SAMD3: variants seen among roughly 807,000 people sequenced by gnomAD.
The protein encoded by SAMD3 is sterile alpha motif domain containing 3.
SAMD3 carries 63 observed loss-of-function variants against 58.5 expected under a neutral mutation model. The ratio of observed to expected loss-of-function variants is 1.08; its 90% CI spans 0.88 to 1.33. SAMD3 has a LOEUF of 1.33. SAMD3 is among the 40% of genes most tolerant of loss of function. SAMD3 has a pLI of 0.00. For missense variants in SAMD3, 604 were observed against 608.4 expected (o/e 0.99, Z 0.08); for synonymous variants, 220 against 210.3 (o/e 1.05, Z -0.40).
At chr6:130,231,270 A>G (rs918294249) in intron 2 of SAMD3, among the ~76,000 whole-genome samples, 2 of 152,192 alleles carry the variant, frequency 1.3e-5, no homozygotes, top group Non-Finnish European at 2.9e-5. Flanking sequence ...ACTTTCTAAA[A>G]TGTAATTTTT....
chr6:130,260,700 C>T (rs957695727), intron 2 of SAMD3, among the ~76,000 whole-genome samples: 1 of 152,220 alleles, frequency 6.6e-6, no homozygotes, highest in Non-Finnish European at 1.5e-5. Context: ...TGGAACATCC[C>T]TGCAGGGGAC....
At chr6:130,309,650 G>A (rs1276963747) in intron 2 of SAMD3, among the ~76,000 whole-genome samples, 3 of 152,168 alleles carry the variant, frequency 2.0e-5, no homozygotes, top group Non-Finnish European at 4.4e-5. Context: ...AAGCCTAACA[G>A]TAACCAAGAA....
intron 2 of SAMD3, among the ~76,000 whole-genome samples, chr6:130,259,942 G>A (rs534026178): frequency 4.6e-5 from 7 of 152,138 alleles, no homozygotes; most frequent in East Asian, 3.9e-4. Context: ...ATTTTATCAC[G>A]TGTTTCAGGT....
chr6:130,268,931 A>G (rs1201377480), intron 2 of SAMD3, among the ~76,000 whole-genome samples: 1 of 152,204 alleles, frequency 6.6e-6, no homozygotes, highest in Non-Finnish European at 1.5e-5. Context: ...TCTTAATAAG[A>G]TATTTTGCTC....
chr6:130,216,738 G>A (rs1249077799), intron 1 of SAMD3, 122 bp from the exon 2 acceptor site: 1 of 152,254 alleles, frequency 6.6e-6, no homozygotes, highest in South Asian at 2.1e-4. Context: ...TTTCAGCAGT[G>A]GATTTAATTT....
intron 5 of SAMD3, among the ~76,000 whole-genome samples, chr6:130,189,388 C>T (rs138668860): frequency 1.1e-3 from 162 of 152,194 alleles, no homozygotes; most frequent in African/African-American, 3.8e-3. Context: ...GAGGTCAGTG[C>T]CTTGATCTCA....
At chr6:130,223,066 C>T (rs1165962230), upstream of SAMD3, 4 of 152,154 alleles carry the variant, frequency 2.6e-5, no homozygotes, top group African/African-American at 9.7e-5. Context: ...GACAAATACC[C>T]ATGTATGTAC....
chr6:130,271,078 C>T (rs1160912667), intron 2 of SAMD3, among the ~76,000 whole-genome samples: 2 of 151,984 alleles, frequency 1.3e-5, no homozygotes, highest in Non-Finnish European at 2.9e-5. Flanking sequence ...TGGTTCACTG[C>T]AACCTCCACC....
chr6:130,247,440 C>A (rs1773587269), intron 2 of SAMD3, among the ~76,000 whole-genome samples: 1 of 149,950 alleles, frequency 6.7e-6, no homozygotes, highest in East Asian at 2.0e-4. Context: ...GCACTGCAGC[C>A]TGGAGGACAG....
chr6:130,162,218 C>A (rs1562382038), intron 8 of SAMD3: 1 of 700,456 alleles, frequency 1.4e-6, no homozygotes, highest in Non-Finnish European at 2.6e-6. Flanking sequence ...TAAGCTCTCA[C>A]AGAGTTGGTT....
intron 1 of SAMD3, among the ~76,000 whole-genome samples, chr6:130,338,187 A>G (rs1159197615): frequency 6.6e-6 from 1 of 152,200 alleles, no homozygotes; most frequent in Non-Finnish European, 1.5e-5. Flanking sequence ...TACAGCTTGG[A>G]CCATTGCTTC....
chr6:130,168,108 T>C (rs1040794776), intron 8 of SAMD3, among the ~76,000 whole-genome samples: 8 of 152,250 alleles, frequency 5.3e-5, no homozygotes, highest in Admixed American at 4.6e-4. Context: ...AGCTGCCTGG[T>C]CTACCTGTGG....
intron 2 of SAMD3, among the ~76,000 whole-genome samples, chr6:130,276,837 G>A (rs570194256): frequency 2.9e-4 from 44 of 152,172 alleles, no homozygotes; most frequent in Admixed American, 1.6e-3. Flanking sequence ...TGGGTAGAAG[G>A]CTAGGGAATG....
chr6:130,193,228 C>T (rs1410167866), intron 5 of SAMD3, among the ~76,000 whole-genome samples: 2 of 151,884 alleles, frequency 1.3e-5, no homozygotes, highest in Non-Finnish European at 2.9e-5. Context: ...GTCTCTACCC[C>T]TTCTCCGCCT....
chr6:130,245,092 C>T (rs1052999161), intron 2 of SAMD3, among the ~76,000 whole-genome samples: 1 of 152,164 alleles, frequency 6.6e-6, no homozygotes. Context: ...GTTCTGGATG[C>T]ATATCTATGA....
intron 2 of SAMD3, chr6:130,215,940 C>A (rs934747582): frequency 3.8e-6 from 4 of 1,055,528 alleles, no homozygotes; most frequent in Middle Eastern, 2.1e-4. Context: ...TTCTTACATA[C>A]CCCTCTGAGT....
At chr6:130,216,193 C>T (rs1246005203) in intron 2 of SAMD3, among the ~76,000 whole-genome samples, 1 of 145,150 alleles carries the variant, frequency 6.9e-6, no homozygotes, top group Admixed American at 7.1e-5. Context: ...CCTAAGGAAG[C>T]TTATTCCTTG....
chr6:130,294,512 T>C (rs932448544), intron 2 of SAMD3, among the ~76,000 whole-genome samples: 32 of 152,312 alleles, frequency 2.1e-4, no homozygotes, highest in African/African-American at 7.5e-4. Flanking sequence ...GGTAAAACAT[T>C]GTTTCTTTTT....
At chr6:130,353,918 T>C (rs1314854205) in intron 1 of SAMD3, among the ~76,000 whole-genome samples, 2 of 152,004 alleles carry the variant, frequency 1.3e-5, no homozygotes, top group East Asian at 3.8e-4. Flanking sequence ...TTGCAAACTA[T>C]GCATCTGAAA....
Sources: gnomAD v4.1 joint callset for allele counts (sites outside exome capture counted in the v4.1 genomes callset) on GRCh38, gnomAD v4.1.1 for gene constraint, MANE v1.5 for transcripts, NCBI Gene and HGNC (gene_info 2026-07-23, HGNC 2026-07-21) for gene names.